The following COG7 variants were observed in gnomAD, a reference collection of about 807,000 sequenced individuals.
COG7 encodes the protein conserved oligomeric Golgi complex subunit 7.
A neutral mutation model predicts 91.5 loss-of-function variants in COG7; 49 were observed. The observed-to-expected ratio is 0.54, with a 90% confidence interval of 0.43 to 0.68. COG7 has a LOEUF of 0.68. COG7 is among the 30% of genes least tolerant of loss of function. The probability of loss-of-function intolerance (pLI) is 0.00; values close to 1 mark genes in which losing one functional copy is unlikely to be tolerated. For missense variants in COG7, 895 were observed against 961.3 expected (o/e 0.93, Z 0.91); for synonymous variants, 365 against 388.7 (o/e 0.94, Z 0.72).
chr16:23,450,607 C>T (rs1179971250), intron 1 of COG7, among the ~76,000 whole-genome samples: 1 of 151,912 alleles, frequency 6.6e-6, no homozygotes, highest in Non-Finnish European at 1.5e-5. Flanking sequence ...GCTGGAGGAT[C>T]GCCTGAGCTC....
rs903912919 is a variant in COG7, at chr16:23,410,317, A to G, written c.1453T>C (p.Phe485Leu). The G allele has an allele frequency of 3.1e-6, 5 of 1,614,144 alleles. No individual in the cohort carries two copies. The highest frequency in any genetic ancestry group is 1.7e-5 in the Admixed American group (1 of 60,028). Reference protein sequence around the residue: ...CGELLRHCGDFEQQLANRILS... With the variant: ...CGELLRHCGDLEQQLANRILS... ...TACCTGTTGGCTAGCTGCTGCTCGA[A>G]GTCCCCACAATGCCGCAAAAGCTCT... The change falls in exon 11 of 17, where the codon TTC (phenylalanine) becomes CTC (leucine). Residue 485 changes from phenylalanine to leucine, a missense_variant. Phe to Leu is a conservative substitution (Grantham distance 22). Coordinates refer to ENST00000307149, the MANE Select transcript of COG7 (RefSeq NM_153603.4).
intron 7 of COG7, among the ~76,000 whole-genome samples, chr16:23,420,415 C>T (rs1220839053): frequency 6.6e-6 from 1 of 151,380 alleles, no homozygotes; most frequent in Non-Finnish European, 1.5e-5. Flanking sequence ...CCTTCTGGTC[C>T]CCTCCTTCAG....
At chr16:23,425,461 A>G (rs1341755778) in intron 6 of COG7, among the ~76,000 whole-genome samples, 7 of 152,102 alleles carry the variant, frequency 4.6e-5, no homozygotes, top group Non-Finnish European at 1.0e-4. Context: ...CCTCCCAAGT[A>G]GCTGATACTA....
At chr16:23,404,249 G>A (rs115640228) in intron 12 of COG7, among the ~76,000 whole-genome samples, 1,563 of 152,312 alleles carry the variant, frequency 0.01, 24 homozygotes, top group African/African-American at 0.032. Context: ...CCTAATTCCC[G>A]GGGAGGTCAG....
intron 4 of COG7, among the ~76,000 whole-genome samples, chr16:23,440,405 T>A (rs1596952967): frequency 6.8e-6 from 1 of 147,218 alleles, no homozygotes; most frequent in Non-Finnish European, 1.5e-5. Context: ...GGTATTACAA[T>A]GAGATACAAA....
chr16:23,447,362 C>A (rs1017751206), intron 1 of COG7: 8 of 151,916 alleles, frequency 5.3e-5, no homozygotes, highest in Non-Finnish European at 1.2e-4. Flanking sequence ...AGTTGTGCAC[C>A]ACCATGCCCG....
chr16:23,419,983 C>CA (rs2142077755), intron 7 of COG7, among the ~76,000 whole-genome samples: 1 of 151,478 alleles, frequency 6.6e-6, no homozygotes, highest in Middle Eastern at 3.4e-3. Flanking sequence ...ACTAAAAATA[C>CA]AAAAAAAATT....
At chr16:23,390,943 G>A (rs886896110) in intron 16 of COG7, among the ~76,000 whole-genome samples, 6 of 152,250 alleles carry the variant, frequency 3.9e-5, no homozygotes, top group African/African-American at 9.6e-5. Flanking sequence ...AGTCTACTAG[G>A]ACATTTTTGT....
At chr16:23,426,878 A>T (rs913532676) in intron 6 of COG7, among the ~76,000 whole-genome samples, 1 of 152,102 alleles carries the variant, frequency 6.6e-6, no homozygotes, top group African/African-American at 2.4e-5. Context: ...CCAAATTGAA[A>T]ACAAGAGTTA....
rs757810496 is a variant in COG7 at position 23,424,929 on chromosome 16, C to G, written c.829G>C (p.Glu277Gln). 1 of 1,608,884 alleles carries G rather than the reference C, an allele frequency of 6.2e-7. No homozygotes were observed. The highest frequency in any genetic ancestry group is 8.5e-7 in the Non-Finnish European group (1 of 1,177,228). The part of the protein sequence containing the change: ...WATQVFQKPH[E>Q]VVMVLLIQTL... ...TGAATCAGCAGCACCATTACCACCT[C>G]GTGGGGCTTCTGGAAAACCTGCAGT... Residue 277 changes from glutamate to glutamine, a missense_variant, in exon 7 of 17, where the codon GAG (glutamate) becomes CAG (glutamine). Glu to Gln is a conservative substitution (Grantham distance 29). Transcript: ENST00000307149.
intron 6 of COG7, among the ~76,000 whole-genome samples, chr16:23,428,238 A>G (rs559413578): frequency 6.2e-4 from 94 of 152,166 alleles, no homozygotes; most frequent in African/African-American, 2.2e-3. Flanking sequence ...AATCCCAGCT[A>G]CTCAGGAGGC....
At position 23,418,730 on chromosome 16, in the gene COG7, G is replaced by T; in HGVS notation, c.1107C>A (p.Asn369Lys). The T allele has an allele frequency of 6.2e-7, 1 of 1,613,616 alleles. No homozygotes were observed. The highest frequency in any genetic ancestry group is 1.1e-5 in the South Asian group (1 of 91,070). ...GCACAGCACTCATCTGGATGAGGAG[G>T]TTGCTCTCTTCCATGTCGCCATACT... ...QLKYGDMEES[N>K]LLIQMSAVPL... is the part of the protein sequence containing the mutation. The change falls in exon 8 of 17, where the codon AAC becomes AAA. Residue 369 changes from asparagine (N) to lysine (K), a missense_variant. By Grantham distance (94) the Asn-to-Lys change is moderately conservative. Transcript: ENST00000307149.
chr16:23,403,705 A>C lies in COG7; in HGVS notation c.1792T>G (p.Ser598Ala). The C allele has an allele frequency of 6.2e-7, 1 of 1,614,092 alleles. No homozygotes were observed. The highest frequency in any genetic ancestry group is 8.5e-7 in the Non-Finnish European group (1 of 1,179,964). Residue 598 changes from serine (S) to alanine (A), a missense_variant, in exon 13 of 17, where the codon TCG becomes GCG. Coordinates refer to ENST00000307149, the MANE Select transcript of COG7 (RefSeq NM_153603.4). ...LRIKQQLLLI[S>A]KMDSWNTAGI... Reference sequence around the variant, plus strand: ...AGTGAGAAACTCACGTCCATCTTCGAAATAAGCAACAGCTGTTGTTTGATG... The same window carrying C: ...AGTGAGAAACTCACGTCCATCTTCGCAATAAGCAACAGCTGTTGTTTGATG...
chr16:23,405,493 T>C (rs1013055153), intron 12 of COG7, among the ~76,000 whole-genome samples: 9 of 151,412 alleles, frequency 5.9e-5, no homozygotes, highest in Non-Finnish European at 1.2e-4. Context: ...TAGCCGCAGA[T>C]CTAAACCCAC....
intron 14 of COG7, among the ~76,000 whole-genome samples, chr16:23,394,403 T>C (rs953289942): frequency 7.9e-5 from 12 of 152,194 alleles, no homozygotes; most frequent in Non-Finnish European, 1.6e-4. Flanking sequence ...AATTCATTGT[T>C]TTGTGTTTTA....
chr16:23,417,233 C>T (rs1218597982), intron 8 of COG7, 112 bp from the exon 9 acceptor site: 2 of 1,141,982 alleles, frequency 1.8e-6, no homozygotes. Flanking sequence ...ATAACGATGT[C>T]AGAAATATAG....
At chr16:23,427,664 C>T (rs1010390546) in intron 6 of COG7, among the ~76,000 whole-genome samples, 2 of 152,106 alleles carry the variant, frequency 1.3e-5, no homozygotes, top group South Asian at 2.1e-4. Flanking sequence ...TCTGTGTTCC[C>T]GTCAGTAACA....
chr16:23,402,463 G>A (rs534583915), intron 13 of COG7, among the ~76,000 whole-genome samples: 37 of 151,718 alleles, frequency 2.4e-4, no homozygotes, highest in African/African-American at 9.0e-4. Flanking sequence ...TCACAGAAAA[G>A]AAGAAAACTA....
At chr16:23,445,561 G>A (rs1052449810) in intron 2 of COG7, among the ~76,000 whole-genome samples, 3 of 152,132 alleles carry the variant, frequency 2.0e-5, no homozygotes, top group African/African-American at 7.2e-5. Flanking sequence ...GCTGAGGCAC[G>A]AGAATCGCTT....
Sources: gnomAD v4.1 joint callset for allele counts (sites outside exome capture counted in the v4.1 genomes callset) on GRCh38, gnomAD v4.1.1 for gene constraint, MANE v1.5 for transcripts, NCBI Gene and HGNC (gene_info 2026-07-23, HGNC 2026-07-21) for gene names.